The following GGTA1 variants were observed in gnomAD, a reference collection of about 807,000 sequenced individuals.
GGTA1 encodes the protein glycoprotein alpha-galactosyltransferase 1 (inactive).
A neutral mutation model predicts 2.6 loss-of-function variants in GGTA1; 5 were observed. The ratio of observed to expected loss-of-function variants is 1.92; its 90% confidence interval spans 1.00 to 4.04. The LOEUF is 4.04. Among genes scored for constraint, GGTA1 ranks in the 30% most tolerant of loss-of-function variants. The pLI, the probability that GGTA1 is intolerant of heterozygous loss-of-function variation, is 0.00. For synonymous variants in GGTA1, 17 were observed against 5.0 expected (o/e 3.38, Z -3.19); for missense variants, 50 against 16.7 (o/e 2.99, Z -3.47).
chr9:121,448,784 A>G (rs2064864186), intron 7 of GGTA1, among the ~76,000 whole-genome samples: 1 of 152,054 alleles, frequency 6.6e-6, no homozygotes. Context: ...AGAGTGATAC[A>G]TTTGTTACAA....
At chr9:121,486,231 T>C (rs10118890) in intron 1 of GGTA1, among the ~76,000 whole-genome samples, 41,255 of 152,166 alleles carry the variant, frequency 0.27, 6,115 homozygotes, top group Middle Eastern at 0.37. Flanking sequence ...AACAGTGTTT[T>C]TGAACTTTAC....
At chr9:121,485,007 C>T (rs1828729794) in intron 1 of GGTA1, among the ~76,000 whole-genome samples, 1 of 152,180 alleles carries the variant, frequency 6.6e-6, no homozygotes, top group Non-Finnish European at 1.5e-5. Context: ...ACTCACTGCC[C>T]CTGGGAAAGT....
chr9:121,453,125 C>T (rs2064886642), downstream of GGTA1, among the ~76,000 whole-genome samples: 1 of 152,106 alleles, frequency 6.6e-6, no homozygotes, highest in Non-Finnish European at 1.5e-5. Context: ...GGTCATTGGA[C>T]AAAAAGGGCC....
At chr9:121,461,014 C>T (rs904135828) in intron 4 of GGTA1, among the ~76,000 whole-genome samples, 2 of 152,114 alleles carry the variant, frequency 1.3e-5, no homozygotes, top group African/African-American at 4.8e-5. Context: ...GAGTTTGAAG[C>T]TGCAGTGAGC....
chr9:121,498,049 G>T (rs2118791366), intron 1 of GGTA1, among the ~76,000 whole-genome samples: 1 of 152,372 alleles, frequency 6.6e-6, no homozygotes, highest in South Asian at 2.1e-4. Context: ...AACTGGATCA[G>T]GTTGGATCTG....
chr9:121,490,892 A>T (rs1028962733), intron 1 of GGTA1, among the ~76,000 whole-genome samples: 2 of 152,134 alleles, frequency 1.3e-5, no homozygotes, highest in African/African-American at 4.8e-5. Context: ...TTGCTACTCA[A>T]TGTAGCTGCC....
chr9:121,487,506 G>A (rs1324137385), intron 1 of GGTA1, among the ~76,000 whole-genome samples: 1 of 149,150 alleles, frequency 6.7e-6, no homozygotes, highest in Admixed American at 6.7e-5. Flanking sequence ...AACCCGGGAG[G>A]CAGAGGTTGC....
In GGTA1 at chr9:121,460,144, C is replaced by T. The variant is rs1228114912; in HGVS notation, c.258G>A (p.Met86Ile). Residue 86 changes from methionine (M) to isoleucine (I), a missense_variant, in exon 5 of 6, where the codon ATG becomes ATA. Coordinates refer to ENST00000481799, the MANE Select transcript of GGTA1 (RefSeq NM_001382585.1). ...KGREETKGRK[M>I]TQQSFGYGTG... ...TCCCATAGCCGAAGCTCTGTTGTGT[C>T]ATTTTCCTTCCTTTGGTCTCCTCTC... is the stretch of plus-strand genomic sequence containing the variant. The T allele has an allele frequency of 2.2e-6, 1 of 456,872 alleles. No homozygotes were observed. The highest frequency in any genetic ancestry group is 2.3e-5 in the Admixed American group (1 of 42,574). The allele number at this position is 456,872 out of a possible 1,614,324, so 28.3% of individuals were successfully genotyped here. A position where few individuals can be genotyped will look rare whatever the true frequency, so the allele number is the denominator to read the frequency against.
At chr9:121,470,691 G>A (rs1828369468) in intron 1 of GGTA1, among the ~76,000 whole-genome samples, 1 of 152,192 alleles carries the variant, frequency 6.6e-6, no homozygotes, top group Non-Finnish European at 1.5e-5. Context: ...CTGGGCGTAG[G>A]CTTAATTAGC....
intron 1 of GGTA1, among the ~76,000 whole-genome samples, chr9:121,482,540 G>A (rs1381296379): frequency 1.3e-5 from 2 of 152,068 alleles, no homozygotes; most frequent in Non-Finnish European, 2.9e-5. Flanking sequence ...AGGCTGAGGC[G>A]GGTGGATCTC....
intron 1 of GGTA1, among the ~76,000 whole-genome samples, chr9:121,485,601 C>T (rs1225873114): frequency 3.9e-5 from 6 of 152,126 alleles, no homozygotes; most frequent in Admixed American, 3.9e-4. Context: ...CAAGGTTCCC[C>T]AAACCTGGGA....
chr9:121,465,723 C>T (rs1300912353), intron 2 of GGTA1, among the ~76,000 whole-genome samples: 3 of 152,158 alleles, frequency 2.0e-5, no homozygotes, highest in Non-Finnish European at 1.5e-5. Context: ...AATTAAATTC[C>T]TGTTGCTTAA....
intron 2 of GGTA1, among the ~76,000 whole-genome samples, chr9:121,467,391 A>G (rs1483442940): frequency 6.6e-6 from 1 of 152,182 alleles, no homozygotes; most frequent in Non-Finnish European, 1.5e-5. Context: ...ATCACTAGCA[A>G]TTCAGTATGT....
intron 1 of GGTA1, among the ~76,000 whole-genome samples, chr9:121,484,851 C>T (rs908673089): frequency 2.0e-5 from 3 of 152,164 alleles, no homozygotes; most frequent in Non-Finnish European, 4.4e-5. Context: ...ATATTTAAGG[C>T]AACTTAAAAC....
chr9:121,497,335 C>T (rs1829015841), intron 1 of GGTA1, among the ~76,000 whole-genome samples: 1 of 152,192 alleles, frequency 6.6e-6, no homozygotes, highest in South Asian at 2.1e-4. Flanking sequence ...AAGCTGCCCC[C>T]TCCTTCGGTT....
At chr9:121,492,831 G>A (rs1421848262) in intron 1 of GGTA1, among the ~76,000 whole-genome samples, 1 of 151,994 alleles carries the variant, frequency 6.6e-6, no homozygotes, top group Non-Finnish European at 1.5e-5. Flanking sequence ...GACAGAGGTG[G>A]CTTGAAAAAT....
At chr9:121,487,109 C>G (rs1010401061) in intron 1 of GGTA1, among the ~76,000 whole-genome samples, 2 of 152,166 alleles carry the variant, frequency 1.3e-5, no homozygotes, top group Admixed American at 6.5e-5. Context: ...GTCGGGCACA[C>G]AGAGAAGGCC....
intron 1 of GGTA1, among the ~76,000 whole-genome samples, chr9:121,487,344 G>A (rs889368007): frequency 6.6e-6 from 1 of 151,976 alleles, no homozygotes; most frequent in East Asian, 1.9e-4. Context: ...TTGGGAGGCC[G>A]AGGTGGGCAG....
At chr9:121,484,621 C>G (rs1828720607) in intron 1 of GGTA1, among the ~76,000 whole-genome samples, 2 of 152,152 alleles carry the variant, frequency 1.3e-5, no homozygotes, top group Non-Finnish European at 2.9e-5. Flanking sequence ...ACTTTTGTAA[C>G]CAGACAGAAA....
Sources: allele counts gnomAD v4.1 joint callset (sites outside exome capture counted in the v4.1 genomes callset), GRCh38; gene constraint gnomAD v4.1.1; transcripts MANE v1.5; gene names NCBI Gene and HGNC (gene_info 2026-07-23, HGNC 2026-07-21).